The following KLHL1 variants were observed in gnomAD, a reference collection of about 807,000 sequenced individuals.
KLHL1 encodes kelch like family member 1.
In KLHL1, 47 loss-of-function variants were observed where a neutral mutation model predicts 77.7. That is an observed-to-expected ratio of 0.60 (90% CI 0.48 to 0.77). The LOEUF is 0.77. KLHL1 is among the 30% of genes least tolerant of loss of function. The pLI is 0.00. For synonymous variants in KLHL1, 360 were observed against 325.2 expected, an observed-to-expected ratio of 1.11 and a Z score of -1.15; for missense variants, 925 against 910.8, an observed-to-expected ratio of 1.02 and a Z score of -0.20.
intron 4 of KLHL1, among the ~76,000 whole-genome samples, chr13:69,918,851 C>T (rs1882532387): frequency 6.6e-6 from 1 of 152,112 alleles, no homozygotes; most frequent in Admixed American, 6.6e-5. Context: ...TTCTCCTCTC[C>T]ATCATCTTTA....
intron 1 of KLHL1, among the ~76,000 whole-genome samples, chr13:69,977,085 A>G (rs923512634): frequency 2.0e-5 from 3 of 152,076 alleles, no homozygotes; most frequent in African/African-American, 7.2e-5. Context: ...AGCAAACAAT[A>G]TAGTTTATAT....
intron 5 of KLHL1, among the ~76,000 whole-genome samples, chr13:69,840,248 A>G (rs150692325): frequency 0.081 from 12,241 of 151,884 alleles, 919 homozygotes; most frequent in African/African-American, 0.2. Flanking sequence ...TTTTGAGACA[A>G]ACTCTCACTC....
intron 6 of KLHL1, among the ~76,000 whole-genome samples, chr13:69,821,316 T>C (rs1878326533): frequency 6.6e-6 from 1 of 151,378 alleles, no homozygotes; most frequent in Non-Finnish European, 1.5e-5. Context: ...GTATGTCTTC[T>C]TTTTTTTTCT....
chr13:69,860,539 T>C (rs1043527501), intron 5 of KLHL1, among the ~76,000 whole-genome samples: 1 of 152,004 alleles, frequency 6.6e-6, no homozygotes. Context: ...AAGTCTTAAA[T>C]ATGAGTCTGA....
At chr13:70,082,193 A>G (rs776992366) in intron 1 of KLHL1, among the ~76,000 whole-genome samples, 1 of 152,038 alleles carries the variant, frequency 6.6e-6, no homozygotes, top group Non-Finnish European at 1.5e-5. Context: ...AATGTGAGCC[A>G]ATTGAACATC....
intron 4 of KLHL1, among the ~76,000 whole-genome samples, chr13:69,919,505 GATTA>G (rs1258217243): frequency 6.6e-6 from 1 of 152,076 alleles, no homozygotes; most frequent in African/African-American, 2.4e-5. Flanking sequence ...GAGTGGAAAA[GATTA>G]ATGAAACAGG....
In KLHL1 at chr13:69,828,006, T is replaced by C; in HGVS notation, c.1414+10970A>G. On this transcript the variant is annotated intron_variant, in intron 6 of 10. Coordinates refer to ENST00000377844, the MANE Select transcript of KLHL1 (RefSeq NM_020866.3). ...AAGAAGGTATTTGTAATATATGTCATTGATGTGAAAATGGCAGATAGGATA... is the reference window on the plus strand; with the variant it reads ...AAGAAGGTATTTGTAATATATGTCACTGATGTGAAAATGGCAGATAGGATA... Among the ~76,000 whole-genome samples, 2 of 150,212 alleles carry C rather than the reference T, an allele frequency of 1.3e-5. 1 individual carries two copies. Among genetic ancestry groups the C allele is most frequent in the Non-Finnish European group, 2.9e-5 (2 of 67,804 alleles).
intron 1 of KLHL1, among the ~76,000 whole-genome samples, chr13:69,981,340 G>A (rs1884698724): frequency 6.6e-6 from 1 of 151,964 alleles, no homozygotes; most frequent in Non-Finnish European, 1.5e-5. Context: ...TTCTTAATGT[G>A]AGTCACTAAG....
At chr13:69,979,939 C>A (rs571678569) in intron 1 of KLHL1, among the ~76,000 whole-genome samples, 2 of 152,310 alleles carry the variant, frequency 1.3e-5, no homozygotes, top group South Asian at 4.1e-4. Flanking sequence ...CAGTTCCTGA[C>A]CCTCCAAATA....
chr13:69,773,419 A>G (rs758963689), intron 7 of KLHL1, among the ~76,000 whole-genome samples: 1 of 152,006 alleles, frequency 6.6e-6, no homozygotes, highest in Non-Finnish European at 1.5e-5. Context: ...AGAACTTCCT[A>G]TATTTTTCCT....
At chr13:70,008,737 C>T (rs999071645) in intron 1 of KLHL1, among the ~76,000 whole-genome samples, 3 of 152,032 alleles carry the variant, frequency 2.0e-5, no homozygotes, top group Non-Finnish European at 4.4e-5. Flanking sequence ...AGACAAAACT[C>T]TATTAATTAT....
At chr13:69,731,361 C>T (rs1235713515) in intron 8 of KLHL1, among the ~76,000 whole-genome samples, 1 of 152,010 alleles carries the variant, frequency 6.6e-6, no homozygotes, top group Non-Finnish European at 1.5e-5. Context: ...ATTTTAATTC[C>T]TTCTAGAAGT....
At chr13:70,091,866 C>G (rs967245081) in intron 1 of KLHL1, among the ~76,000 whole-genome samples, 2 of 152,076 alleles carry the variant, frequency 1.3e-5, no homozygotes, top group Non-Finnish European at 2.9e-5. Flanking sequence ...GACTTTCATT[C>G]TGAAATTTTT....
At position 69,975,742 on chromosome 13, in the gene KLHL1, T is replaced by C. The variant is rs1409413338; in HGVS notation, c.558A>G (p.Glu186=). The change falls in exon 2 of 11, where the codon GAA becomes GAG. Residue 186 remains glutamate (E), a synonymous_variant. Transcript: ENST00000377844. ...CATGATGAACAGCTTGATAGAATTCTTCAGAGCTACTGGAGTCCAAATCAC... is the reference window on the plus strand; with the variant it reads ...CATGATGAACAGCTTGATAGAATTCCTCAGAGCTACTGGAGTCCAAATCAC... ...PQSDLDSSSS[E]EFYQAVHHAE... The C allele has an allele frequency of 3.7e-6, 6 of 1,613,574 alleles. No individual in the cohort carries two copies. Among genetic ancestry groups the C allele is most frequent in the Non-Finnish European group, 5.1e-6 (6 of 1,179,798 alleles).
chr13:69,805,562 T>A (rs1877581408), intron 6 of KLHL1, among the ~76,000 whole-genome samples: 1 of 151,788 alleles, frequency 6.6e-6, no homozygotes, highest in Admixed American at 6.6e-5. Context: ...CAATACAATA[T>A]TTAAATAAAA....
intron 7 of KLHL1, among the ~76,000 whole-genome samples, chr13:69,773,663 T>A: frequency 6.6e-6 from 1 of 151,912 alleles, no homozygotes; most frequent in African/African-American, 2.4e-5. Flanking sequence ...GTCTTTCGAG[T>A]ATGGAGCACA....
intron 1 of KLHL1, among the ~76,000 whole-genome samples, chr13:70,087,488 TC>T (rs1308260405): frequency 6.6e-6 from 1 of 151,396 alleles, no homozygotes; most frequent in East Asian, 1.9e-4. Flanking sequence ...ACAAGGAGAT[TC>T]TCCAACTTTC....
chr13:69,959,934 G>A (rs894572112), intron 3 of KLHL1, among the ~76,000 whole-genome samples: 6 of 151,892 alleles, frequency 4.0e-5, no homozygotes, highest in African/African-American at 1.4e-4. Context: ...TTCAGACTGA[G>A]TTTGGGTCTC....
chr13:69,924,388 A>G (rs1882745230), intron 4 of KLHL1, among the ~76,000 whole-genome samples: 1 of 152,090 alleles, frequency 6.6e-6, no homozygotes, highest in African/African-American at 2.4e-5. Context: ...TCTGAAGCCC[A>G]TAAAACCCCC....
Sources: gnomAD v4.1 joint callset for allele counts (sites outside exome capture counted in the v4.1 genomes callset) on GRCh38, gnomAD v4.1.1 for gene constraint, MANE v1.5 for transcripts, NCBI Gene and HGNC (gene_info 2026-07-23, HGNC 2026-07-21) for gene names.